The following LRP1B variants were observed in gnomAD, a reference collection of about 807,000 sequenced individuals.
LRP1B encodes the protein low-density lipoprotein receptor-related protein 1B.
In LRP1B, 217 loss-of-function variants were observed where a neutral mutation model predicts 556.6. The ratio of observed to expected loss-of-function variants is 0.39; its 90% CI spans 0.35 to 0.44. The LOEUF (loss-of-function observed/expected upper bound fraction) is 0.44, where lower values mean the gene tolerates loss of function less well. LRP1B is among the 20% of genes least tolerant of loss of function. The pLI, the probability that LRP1B is intolerant of heterozygous loss-of-function variation, is 1.00. For synonymous variants in LRP1B, 2,047 were observed against 1,865.8 expected, an observed-to-expected ratio of 1.10 and a Z score of -2.50; for missense variants, 5,053 against 5,620.8, an observed-to-expected ratio of 0.90 and a Z score of 3.23.
chr2:140,414,169 A>G (rs1476073279), intron 66 of LRP1B, among the ~76,000 whole-genome samples: 1 of 151,954 alleles, frequency 6.6e-6, no homozygotes, highest in African/African-American at 2.4e-5. Flanking sequence ...TCCCACCTTT[A>G]CCTTTCAAAG....
intron 41 of LRP1B, among the ~76,000 whole-genome samples, chr2:140,696,814 C>T (rs1337164101): frequency 1.3e-5 from 2 of 152,106 alleles, no homozygotes; most frequent in African/African-American, 2.4e-5. Flanking sequence ...CCCCTGCCTT[C>T]GTCCATGAAA....
At chr2:140,291,696 A>T (rs1683396153) in intron 84 of LRP1B, among the ~76,000 whole-genome samples, 2 of 151,928 alleles carry the variant, frequency 1.3e-5, no homozygotes, top group African/African-American at 4.8e-5. Context: ...CATTTTCTTA[A>T]TCCAGTCTAT....
intron 2 of LRP1B, among the ~76,000 whole-genome samples, chr2:141,752,955 A>AAAAAAAAG (rs1266129758): frequency 7.0e-6 from 1 of 143,874 alleles, no homozygotes; most frequent in Non-Finnish European, 1.5e-5. Flanking sequence ...GAAAAAAAAA[A>AAAAAAAAG]AAAAAATTAT....
chr2:140,995,523 T>C (rs1327111128), intron 15 of LRP1B, among the ~76,000 whole-genome samples: 3 of 152,060 alleles, frequency 2.0e-5, no homozygotes, highest in Admixed American at 2.0e-4. Context: ...GTTTTGCTTT[T>C]CAAAGAGCTT....
intron 1 of LRP1B, among the ~76,000 whole-genome samples, chr2:141,921,699 A>T (rs991608647): frequency 1.3e-5 from 2 of 152,054 alleles, no homozygotes; most frequent in African/African-American, 4.8e-5. Flanking sequence ...CTTCTCATCA[A>T]TTATAAATAA....
At chr2:141,102,272 A>G (rs1046793546) in intron 7 of LRP1B, among the ~76,000 whole-genome samples, 1 of 152,110 alleles carries the variant, frequency 6.6e-6, no homozygotes, top group African/African-American at 2.4e-5. Flanking sequence ...AATCATGACC[A>G]TAGAGCAACA....
chr2:142,112,107 TCA>T (rs1443267664), intron 1 of LRP1B, among the ~76,000 whole-genome samples: 1 of 152,062 alleles, frequency 6.6e-6, no homozygotes, highest in Non-Finnish European at 1.5e-5. Flanking sequence ...ATAACTTACA[TCA>T]CAGTTATTAA....
chr2:141,470,977 G>A (rs1029084433), intron 3 of LRP1B, among the ~76,000 whole-genome samples: 1 of 152,060 alleles, frequency 6.6e-6, no homozygotes, highest in Non-Finnish European at 1.5e-5. Flanking sequence ...AAAGGATTTT[G>A]CTTAATATGG....
chr2:140,793,804 G>A (rs1023369060), intron 32 of LRP1B, among the ~76,000 whole-genome samples: 2 of 151,856 alleles, frequency 1.3e-5, no homozygotes, highest in South Asian at 2.1e-4. Flanking sequence ...CAGGAAACCT[G>A]CTAGCTAGAA....
At chr2:140,701,375 T>C (rs1420295945) in intron 40 of LRP1B, among the ~76,000 whole-genome samples, 1 of 152,046 alleles carries the variant, frequency 6.6e-6, no homozygotes, top group Non-Finnish European at 1.5e-5. Flanking sequence ...TGTATAAAAA[T>C]TTCAACTGCC....
chr2:141,978,561 T>G (rs951925039), intron 1 of LRP1B, among the ~76,000 whole-genome samples: 1 of 151,908 alleles, frequency 6.6e-6, no homozygotes, highest in African/African-American at 2.4e-5. Flanking sequence ...CAAAAGAAAA[T>G]TTTTATCCAA....
chr2:140,898,750 T>C, intron 23 of LRP1B: 1 of 573,796 alleles, frequency 1.7e-6, no homozygotes, highest in Non-Finnish European at 3.3e-6. Flanking sequence ...CTCTCTACCC[T>C]CAAGACCCTG....
Position 141,809,160 on chromosome 2 carries a change from G to A in LRP1B, c.205+1119C>T, listed in dbSNP as rs549717560. On this transcript the variant is annotated intron_variant, in intron 2 of 90. Transcript: ENST00000389484. ...AACTCTTCCTGTGGAAAAAGTGATC[G>A]GCTCAAAATAAAGCGAAGCAATTCC... is the stretch of plus-strand genomic sequence containing the variant. Among the ~76,000 whole-genome samples the A allele has an allele frequency of 5.3e-5, 8 of 152,044 alleles. No individual in the cohort carries two copies. In the East Asian group the frequency reaches 7.8e-4, roughly 15 times the overall value.
chr2:141,237,464 C>T (rs1450543307), intron 5 of LRP1B, among the ~76,000 whole-genome samples: 1 of 151,524 alleles, frequency 6.6e-6, no homozygotes, highest in Non-Finnish European at 1.5e-5. Flanking sequence ...CCTTGGCCTC[C>T]CAAAGTGCCA....
At chr2:141,045,966 G>A (rs1290314576) in intron 11 of LRP1B, among the ~76,000 whole-genome samples, 1 of 151,938 alleles carries the variant, frequency 6.6e-6, no homozygotes, top group Non-Finnish European at 1.5e-5. Context: ...ATATAACAAT[G>A]GACAATTTCC....
intron 2 of LRP1B, among the ~76,000 whole-genome samples, chr2:141,611,885 A>G (rs1688119610): frequency 6.6e-6 from 1 of 152,170 alleles, no homozygotes; most frequent in South Asian, 2.1e-4. Context: ...ACACAGCCCG[A>G]TTTAATGGGA....
intron 86 of LRP1B, among the ~76,000 whole-genome samples, chr2:140,262,923 ATGTT>A (rs544336449): frequency 7.6e-4 from 116 of 152,172 alleles, no homozygotes; most frequent in Non-Finnish European, 1.3e-3. Context: ...CGATAAAAAT[ATGTT>A]TGTTTATTTG....
intron 2 of LRP1B, among the ~76,000 whole-genome samples, chr2:141,735,788 T>C (rs978296284): frequency 1.3e-5 from 2 of 152,100 alleles, no homozygotes; most frequent in Non-Finnish European, 2.9e-5. Context: ...TTTAGAAACC[T>C]AGCAAGAGCA....
At chr2:140,698,838 A>C (rs2105415979) in intron 41 of LRP1B, among the ~76,000 whole-genome samples, 1 of 152,208 alleles carries the variant, frequency 6.6e-6, no homozygotes, top group East Asian at 1.9e-4. Context: ...TTACTCATGC[A>C]TGATTTTATC....
Sources: allele counts gnomAD v4.1 joint callset (sites outside exome capture counted in the v4.1 genomes callset), GRCh38; gene constraint gnomAD v4.1.1; transcripts MANE v1.5; gene names NCBI Gene and HGNC (gene_info 2026-07-23, HGNC 2026-07-21).